The following PANK1 variants were observed in gnomAD, a reference collection of about 807,000 sequenced individuals.
The protein encoded by PANK1 is pantothenic acid kinase 1.
PANK1 carries 18 observed loss-of-function variants against 40.1 expected under a neutral mutation model. The ratio of observed to expected loss-of-function variants is 0.45; its 90% CI spans 0.31 to 0.67. The LOEUF (loss-of-function observed/expected upper bound fraction) is 0.67. Ranked by LOEUF, PANK1 falls within the 30% of genes least tolerant of loss-of-function variation. The pLI is 0.06. For synonymous variants in PANK1, 242 were observed against 237.7 expected, an observed-to-expected ratio of 1.02 and a Z score of -0.17; for missense variants, 457 against 599.6, an observed-to-expected ratio of 0.76 and a Z score of 2.48.
intron 1 of PANK1, among the ~76,000 whole-genome samples, chr10:89,638,192 G>A (rs1435796081): frequency 2.0e-5 from 3 of 152,212 alleles, no homozygotes; most frequent in Admixed American, 6.5e-5. Context: ...TGATACCACT[G>A]GGCAATAAGA....
Position 89,645,197 on chromosome 10 carries a change from C to A in PANK1, c.-306G>T. ...CTCCCGCCGCCCGCCTTCCCCTGAT[C>A]CCCAGGCCGCGCGACTTCAAACGCG... On this transcript the variant is annotated 5_prime_UTR_variant, in exon 1 of 7. Transcript: ENST00000307534. The A allele has an allele frequency of 6.3e-7, 1 of 1,594,930 alleles. No individual in the cohort carries two copies. Among genetic ancestry groups the A allele is most frequent in the South Asian group, 1.1e-5 (1 of 89,768 alleles).
rs1432062113 is a variant in PANK1 at position 89,611,687 on chromosome 10, C to T, written c.645+9G>A. 1.3e-6 allele frequency: 2 copies of T among 1,583,346 alleles called. No individual in the cohort carries two copies. Among genetic ancestry groups the T allele is most frequent in the African/African-American group, 1.4e-5 (1 of 73,860 alleles). On this transcript the variant is annotated intron_variant, in intron 2 of 6. Coordinates refer to ENST00000307534, the MANE Select transcript of PANK1 (RefSeq NM_148977.3). ...TTTTGATGTTTTAACAAAGACAAAC[C>T]CGACCTACCATTCTGAAGTCCTCTT... is the stretch of plus-strand genomic sequence containing the variant.
chr10:89,624,899 C>G (rs1479598470), intron 1 of PANK1, among the ~76,000 whole-genome samples: 1 of 152,186 alleles, frequency 6.6e-6, no homozygotes, highest in Non-Finnish European at 1.5e-5. Context: ...AGTAGCTGGA[C>G]TACATTTCTT....
At chr10:89,608,394 A>C (rs998525862) in intron 2 of PANK1, among the ~76,000 whole-genome samples, 3 of 152,166 alleles carry the variant, frequency 2.0e-5, no homozygotes, top group Non-Finnish European at 4.4e-5. Flanking sequence ...GGTGGGAAGA[A>C]AAAAAGAAGG....
intron 1 of PANK1, among the ~76,000 whole-genome samples, chr10:89,634,044 G>A (rs920311314): frequency 6.6e-6 from 1 of 152,302 alleles, no homozygotes; most frequent in South Asian, 2.1e-4. Context: ...CTGTTATGTA[G>A]AAGATGAATT....
At chr10:89,630,133 C>T (rs539208777) in intron 1 of PANK1, among the ~76,000 whole-genome samples, 30 of 152,250 alleles carry the variant, frequency 2.0e-4, no homozygotes, top group African/African-American at 7.0e-4. Context: ...GTGTGGTACA[C>T]GTGTGCTGAA....
At position 89,644,687 on chromosome 10, in the gene PANK1, G is replaced by T; in HGVS notation, c.205C>A (p.Pro69Thr). ...QRLPLLPELQ[P>T]QPLLPQHDSP... Reference sequence around the variant, plus strand: ...TCATGCTGAGGGAGCAGTGGCTGCGGCTGCAGCTCCGGCAGGAGCGGGAGG... The same window carrying T: ...TCATGCTGAGGGAGCAGTGGCTGCGTCTGCAGCTCCGGCAGGAGCGGGAGG... Residue 69 changes from proline to threonine, a missense_variant, in exon 1 of 7, where the codon CCG becomes ACG. This residue lies in a region of PANK1 where 144 missense variants were observed against 131.2 expected (regional missense o/e 1.10). Transcript: ENST00000307534. The T allele has an allele frequency of 6.4e-7, 1 of 1,555,868 alleles. No homozygotes were observed.
intron 2 of PANK1, among the ~76,000 whole-genome samples, chr10:89,599,882 G>A (rs769811411): frequency 6.6e-6 from 1 of 152,122 alleles, no homozygotes; most frequent in Non-Finnish European, 1.5e-5. Context: ...GAGAAGAAGT[G>A]ACCATCCTGG....
chr10:89,602,446 G>C (rs533070577), intron 2 of PANK1, among the ~76,000 whole-genome samples: 1 of 152,280 alleles, frequency 6.6e-6, no homozygotes, highest in South Asian at 2.1e-4. Flanking sequence ...TCCCTCAAAA[G>C]TCTTCACCAT....
At chr10:89,644,485 C>T in intron 1 of PANK1, 115 bp downstream of exon 1, 1 of 901,402 alleles carries the variant, frequency 1.1e-6, no homozygotes, top group Non-Finnish European at 1.6e-6. Flanking sequence ...GTCCCTCGAC[C>T]GCAGACGCGG....
intron 1 of PANK1, among the ~76,000 whole-genome samples, chr10:89,631,608 A>AATAT (rs1841644500): frequency 6.6e-6 from 1 of 152,196 alleles, no homozygotes; most frequent in South Asian, 2.1e-4. Flanking sequence ...TTCTTAATCT[A>AATAT]TATTTCCAGA....
At chr10:89,586,605 TAAATA>T (rs1166807089) in intron 6 of PANK1, among the ~76,000 whole-genome samples, 2 of 152,224 alleles carry the variant, frequency 1.3e-5, no homozygotes, top group Non-Finnish European at 2.9e-5. Context: ...GGTAACTTCT[TAAATA>T]AATAGCTCAG....
chr10:89,605,987 AGTT>A (rs1163568202), intron 2 of PANK1, among the ~76,000 whole-genome samples: 2 of 152,198 alleles, frequency 1.3e-5, no homozygotes, highest in African/African-American at 4.8e-5. Flanking sequence ...TTGGGTGACT[AGTT>A]GTGTTGTCAA....
chr10:89,588,426 T>C (rs936816056), intron 6 of PANK1, among the ~76,000 whole-genome samples: 2 of 152,208 alleles, frequency 1.3e-5, no homozygotes, highest in Non-Finnish European at 2.9e-5. Context: ...AATTTACATT[T>C]CCAGTGACTT....
At position 89,604,187 on chromosome 10, in the gene PANK1, G is replaced by T. The variant is rs528286216; in HGVS notation, c.646-4682C>A. 5.9e-5 allele frequency among the ~76,000 whole-genome samples: 9 copies of T among 152,216 alleles called. No individual in the cohort carries two copies. The East Asian group carries it at 1.2e-3, about 20-fold the overall frequency. On this transcript the variant is annotated intron_variant, in intron 2 of 6. Coordinates refer to ENST00000307534, the MANE Select transcript of PANK1 (RefSeq NM_148977.3). ...ATAAGACTGTTGTTATATCCTATTT[G>T]TTCAAAGGGTAGGTAATTTTTTTAC... is the stretch of plus-strand genomic sequence containing the variant.
chr10:89,616,781 C>T (rs776980253), intron 1 of PANK1, among the ~76,000 whole-genome samples: 3 of 152,004 alleles, frequency 2.0e-5, no homozygotes, highest in Admixed American at 1.3e-4. Flanking sequence ...ATTGGCCAGG[C>T]GTGCTGGTGG....
At chr10:89,632,935 G>T (rs1440224116) in intron 1 of PANK1, among the ~76,000 whole-genome samples, 1 of 152,084 alleles carries the variant, frequency 6.6e-6, no homozygotes, top group Non-Finnish European at 1.5e-5. Flanking sequence ...GTCCTACTTA[G>T]CAAAGGACAT....
intron 2 of PANK1, among the ~76,000 whole-genome samples, chr10:89,607,764 T>G (rs945021226): frequency 2.9e-4 from 44 of 152,312 alleles, no homozygotes; most frequent in African/African-American, 8.9e-4. Context: ...TTCTGCTTGG[T>G]TATTTAAAAC....
chr10:89,639,362 A>T (rs1841907225), intron 1 of PANK1: 14 of 295,790 alleles, frequency 4.7e-5, no homozygotes, highest in South Asian at 4.0e-4. Context: ...CCACCTTCTA[A>T]CACTGTTGCA....
Sources: gnomAD v4.1 joint callset for allele counts (sites outside exome capture counted in the v4.1 genomes callset) on GRCh38, gnomAD v4.1.1 for gene constraint, gnomAD v4.1.1 regional missense constraint, MANE v1.5 for transcripts, NCBI Gene and HGNC (gene_info 2026-07-23, HGNC 2026-07-21) for gene names.